Variants in RFX2 observed in about 807,000 individuals in gnomAD.
RFX2 encodes the protein regulatory factor X2, also known as DNA-binding protein RFX2.
RFX2 carries 20 observed loss-of-function variants against 87.8 expected under a neutral mutation model. The ratio of observed to expected loss-of-function variants is 0.23; its 90% CI spans 0.16 to 0.33. The LOEUF is 0.33. Among genes scored for constraint, RFX2 ranks in the 10% least tolerant of loss-of-function variants. The pLI, the probability that RFX2 is intolerant of heterozygous loss-of-function variation, is 1.00. For missense variants in RFX2, 767 were observed against 1,012.3 expected, an observed-to-expected ratio of 0.76 and a Z score of 3.29; for synonymous variants, 397 against 431.3, an observed-to-expected ratio of 0.92 and a Z score of 0.98.
At chr19:6,096,663 G>T (rs1019687656) in intron 1 of RFX2, among the ~76,000 whole-genome samples, 11 of 152,180 alleles carry the variant, frequency 7.2e-5, no homozygotes, top group Non-Finnish European at 1.3e-4. Context: ...AGCCAGGATG[G>T]TCTCGATCTC....
chr19:6,072,961 A>C (rs1599906470), intron 1 of RFX2: 4 of 689,466 alleles, frequency 5.8e-6, no homozygotes, highest in African/African-American at 1.8e-5. Context: ...TAGGGTTTGC[A>C]GAAGGTTCAA....
Position 6,047,641 on chromosome 19 carries a change from A to G in RFX2, c.-8-137T>C, listed in dbSNP as rs2087212896. 1 of 705,708 alleles carries G rather than the reference A, an allele frequency of 1.4e-6. No homozygotes were observed. Among genetic ancestry groups the G allele is most frequent in the Admixed American group, 2.6e-5 (1 of 39,176 alleles). 43.7% of individuals were successfully genotyped at this position (705,708 alleles called of 1,614,324 possible). On this transcript the variant is annotated intron_variant, in intron 1 of 17. Transcript: ENST00000303657. This position sits in a 1 kb window ranked among gnomAD's most constrained non-coding sequence, Gnocchi z 4.2. ...GTCGAAAGGCAGAGACCCTGGTGGT[A>G]CTGCCTAAGTGAGGAGCTGCGGAAA...
At chr19:6,036,912 GAA>G (rs2087033026) in intron 5 of RFX2, among the ~76,000 whole-genome samples, 2 of 152,088 alleles carry the variant, frequency 1.3e-5, no homozygotes, top group Admixed American at 1.3e-4. Flanking sequence ...AAAAAGAAAT[GAA>G]ATTTCTTTTT....
At chr19:6,081,154 A>G (rs2087777812) in intron 1 of RFX2, among the ~76,000 whole-genome samples, 1 of 152,192 alleles carries the variant, frequency 6.6e-6, no homozygotes, top group Admixed American at 6.5e-5. Context: ...TTATAGACAG[A>G]AAGAGTGAAT....
At chr19:6,042,574 G>C (rs1202744118) in intron 3 of RFX2, among the ~76,000 whole-genome samples, 1 of 152,182 alleles carries the variant, frequency 6.6e-6, no homozygotes, top group African/African-American at 2.4e-5. Context: ...GCAGGCTGCA[G>C]TGCACAGGGG....
chr19:6,026,507 C>A lies in RFX2; in HGVS notation c.523-270G>T. 9.4e-6 allele frequency: 5 copies of A among 532,806 alleles called. No homozygotes were observed. The South Asian group carries it at 1.1e-4, about 11-fold the overall frequency. 33.0% of individuals were successfully genotyped at this position (532,806 alleles called of 1,614,324 possible). On this transcript the variant is annotated intron_variant, in intron 5 of 17. Coordinates refer to ENST00000303657, the MANE Select transcript of RFX2 (RefSeq NM_000635.4). The surrounding 1 kb of genome is among the most constrained non-coding windows in gnomAD (Gnocchi z 4.5). ...GCAGAAATCATGTTGTAAAAACTTG[C>A]TACTGAACTTTAACCTGGCATATGT...
At position 6,023,762 on chromosome 19, in the gene RFX2, G is replaced by C. The variant is rs2086851162; in HGVS notation, c.597+2401C>G. 6.6e-6 allele frequency among the ~76,000 whole-genome samples: 1 copy of C among 152,044 alleles called. No homozygotes were observed. The highest frequency in any genetic ancestry group is 6.6e-5 in the Admixed American group (1 of 15,252). Reference sequence around the variant, plus strand: ...CAGCAGCCAGAGACAAGCGGCTCATGCATTTTCCCATAGACATTTTTTCTT... The same window carrying C: ...CAGCAGCCAGAGACAAGCGGCTCATCCATTTTCCCATAGACATTTTTTCTT... On this transcript the variant is annotated intron_variant, in intron 6 of 17. Transcript: ENST00000303657. The surrounding 1 kb of genome is among the most constrained non-coding windows in gnomAD (Gnocchi z 4.9).
In RFX2 at chr19:6,008,161, C is replaced by T. The variant is rs1462725173; in HGVS notation, c.1079G>A (p.Gly360Asp). 2 of 1,557,598 alleles carry T rather than the reference C, an allele frequency of 1.3e-6. No individual in the cohort carries two copies. The highest frequency in any genetic ancestry group is 1.2e-5 in the South Asian group (1 of 84,622). The part of the protein sequence containing the change: ...PDLGSFLLQD[G>D]VTLHDVKALQ... ...GGCCTTGACGTCGTGCAGTGTGACGCCGTCCTGCAGCAGGAAGCTGCCCAG... is the reference window on the plus strand; with the variant it reads ...GGCCTTGACGTCGTGCAGTGTGACGTCGTCCTGCAGCAGGAAGCTGCCCAG... The change falls in exon 10 of 18, where the codon GGC becomes GAC. Residue 360 changes from glycine to aspartate, a missense_variant. By Grantham distance (94) the Gly-to-Asp change is moderately conservative. Around this residue, in one of 2 missense-constraint regions of RFX2, gnomAD observed 621 missense variants for 873.0 expected, o/e 0.71. Coordinates refer to ENST00000303657, the MANE Select transcript of RFX2 (RefSeq NM_000635.4).
At chr19:6,070,092 A>G (rs2087577273) in intron 1 of RFX2, among the ~76,000 whole-genome samples, 1 of 72,760 alleles carries the variant, frequency 1.4e-5, no homozygotes, top group Non-Finnish European at 2.7e-5. Context: ...ATGGGATGGG[A>G]TGTGGATGGG....
intron 5 of RFX2, among the ~76,000 whole-genome samples, chr19:6,033,874 G>T (rs1336309192): frequency 6.6e-6 from 1 of 152,188 alleles, no homozygotes; most frequent in East Asian, 1.9e-4. Context: ...GAGAGAAAAA[G>T]CAGATGTGCC....
At position 6,056,018 on chromosome 19, in the gene RFX2, T is replaced by TG. The variant is rs990365729; in HGVS notation, c.-8-8515dup. On this transcript the variant is annotated intron_variant, in intron 1 of 17. Coordinates refer to ENST00000303657, the MANE Select transcript of RFX2 (RefSeq NM_000635.4). The surrounding 1 kb of genome is among the most constrained non-coding windows in gnomAD (Gnocchi z 4.6). ...GTTAAAAAAAAATCATAATAGTGGG[T>TG]GGGGGGGCAGGTGGCGGTGGGCGAG... Among the ~76,000 whole-genome samples the TG allele has an allele frequency of 3.2e-4, 46 of 143,036 alleles. No individual in the cohort carries two copies. Among genetic ancestry groups the TG allele is most frequent in the South Asian group, 1.1e-3 (5 of 4,398 alleles). The allele number at this position is 143,036 out of a possible 152,430, so 93.8% of individuals were successfully genotyped here.
At chr19:6,071,857 G>C (rs1271758558) in intron 1 of RFX2, 1 of 152,164 alleles carries the variant, frequency 6.6e-6, no homozygotes, top group Non-Finnish European at 1.5e-5. Context: ...AATGTAAAAA[G>C]GCACCTTAAA....
intron 9 of RFX2, among the ~76,000 whole-genome samples, chr19:6,009,875 T>C (rs551372995): frequency 3.5e-4 from 53 of 152,392 alleles, no homozygotes; most frequent in Non-Finnish European, 7.3e-4. Context: ...GTGTTCTTTC[T>C]GATGGTCATT....
chr19:6,104,463 G>A lies in RFX2; in HGVS notation c.-9+5930C>T, dbSNP rs913767184. On this transcript the variant is annotated intron_variant, in intron 1 of 17. Coordinates refer to ENST00000303657, the MANE Select transcript of RFX2 (RefSeq NM_000635.4). ...GGATGCCTGTAGTCCCAGCTACTCG[G>A]GAGGCTGAGGCAGGAGAATGGCCTG... Among the ~76,000 whole-genome samples the A allele has an allele frequency of 7.3e-5, 11 of 151,706 alleles. 1 individual carries two copies. The highest frequency in any genetic ancestry group is 2.7e-4 in the African/African-American group (11 of 41,118).
rs2087077907 is a variant in RFX2, at chr19:6,039,808, A to G, written c.522+172T>C. Among the ~76,000 whole-genome samples, 1 of 152,132 alleles carries G rather than the reference A, an allele frequency of 6.6e-6. No homozygotes were observed. ...TTCAAAGAACTCTGCAGGCCTGCCT[A>G]TGGTTGCGTGGCCCGTCTGAGGCTG... On this transcript the variant is annotated intron_variant, in intron 5 of 17. Transcript: ENST00000303657. The surrounding 1 kb of genome is among the most constrained non-coding windows in gnomAD (Gnocchi z 5.2).
intron 1 of RFX2, among the ~76,000 whole-genome samples, chr19:6,108,378 G>T (rs916470547): frequency 3.9e-5 from 6 of 152,206 alleles, no homozygotes; most frequent in Non-Finnish European, 7.3e-5. Flanking sequence ...TATCCAGAAG[G>T]ACGGGAGGTA....
At chr19:6,005,555 G>A (rs899807611) in intron 12 of RFX2, among the ~76,000 whole-genome samples, 13 of 152,228 alleles carry the variant, frequency 8.5e-5, no homozygotes, top group Non-Finnish European at 1.6e-4. Context: ...GAGGCCCTGG[G>A]AGGTCTCCAA....
chr19:6,077,437 C>T (rs1472514901), intron 1 of RFX2, among the ~76,000 whole-genome samples: 2 of 152,150 alleles, frequency 1.3e-5, no homozygotes, highest in East Asian at 1.9e-4. Flanking sequence ...CCAAGAGGGG[C>T]GTGTGCCTCT....
At chr19:6,038,178 C>T (rs1195434842) in intron 5 of RFX2, among the ~76,000 whole-genome samples, 1 of 151,596 alleles carries the variant, frequency 6.6e-6, no homozygotes, top group Admixed American at 6.6e-5. Flanking sequence ...AACACAAAAA[C>T]TAGCCGGGTG....
Sources: allele counts gnomAD v4.1 joint callset (sites outside exome capture counted in the v4.1 genomes callset), GRCh38; gene constraint gnomAD v4.1.1; regional missense constraint gnomAD v4.1.1; non-coding constraint Gnocchi (gnomAD v3.1); transcripts MANE v1.5; gene names NCBI Gene and HGNC (gene_info 2026-07-23, HGNC 2026-07-21).